Variants in COG6 observed in about 807,000 individuals in gnomAD.
The protein encoded by COG6 is conserved oligomeric Golgi complex subunit 6.
Under a neutral mutation model 88.8 loss-of-function variants are expected in COG6, and 74 were observed. The observed-to-expected ratio is 0.83, with a 90% CI of 0.69 to 1.01. COG6 has a LOEUF of 1.01. Among genes scored for constraint, COG6 ranks in the 50% least tolerant of loss-of-function variants. The pLI is 0.00. For missense variants in COG6, 800 were observed against 797.9 expected (o/e 1.00, Z -0.03); for synonymous variants, 286 against 278.7 (o/e 1.03, Z -0.26).
chr13:39,691,322 T>G (rs1444518858), intron 11 of COG6, among the ~76,000 whole-genome samples: 2 of 151,972 alleles, frequency 1.3e-5, no homozygotes, highest in Middle Eastern at 3.2e-3. Context: ...TAAAATGTAC[T>G]TAGAAATTCT....
rs111318440 is a variant in COG6 at position 39,700,177 on chromosome 13, A to G, written c.1284+559A>G. On this transcript the variant is annotated intron_variant, in intron 13 of 18. Coordinates refer to ENST00000455146, the MANE Select transcript of COG6 (RefSeq NM_020751.3). Reference sequence around the variant, plus strand: ...CAGGACCTTAAGGAATAGACTTACAATGATCAAATCCTTCTTTATTTTTGT... The same window carrying G: ...CAGGACCTTAAGGAATAGACTTACAGTGATCAAATCCTTCTTTATTTTTGT... Among the ~76,000 whole-genome samples the G allele has an allele frequency of 7.6e-3, 1,150 of 151,988 alleles. 7 individuals are homozygous for G. The highest frequency in any genetic ancestry group is 0.012 in the Non-Finnish European group (812 of 67,800).
chr13:39,688,955 T>C (rs763702331), intron 10 of COG6, among the ~76,000 whole-genome samples: 6 of 152,168 alleles, frequency 3.9e-5, no homozygotes, highest in Non-Finnish European at 8.8e-5. Flanking sequence ...GCAAGATGAG[T>C]CAGTGTTACA....
At chr13:39,660,711 A>G in intron 2 of COG6, 99 bp from the exon 3 acceptor site, 1 of 827,684 alleles carries the variant, frequency 1.2e-6, no homozygotes, top group Middle Eastern at 3.0e-4. Context: ...TGACCAAAAA[A>G]ATAAAAAATT....
At chr13:39,719,994 AACACACACACACAC>A (rs58617808) in intron 15 of COG6, among the ~76,000 whole-genome samples, 167 bp downstream of exon 15, 4 of 147,764 alleles carry the variant, frequency 2.7e-5, no homozygotes, top group African/African-American at 7.5e-5. Context: ...GCACATACAC[AACACACACACACAC>A]ACACACACAC....
chr13:39,680,106 T>G, intron 7 of COG6, 61 bp downstream of exon 7: 1 of 945,118 alleles, frequency 1.1e-6, no homozygotes. Context: ...TTTTAAAATT[T>G]TACTTGGTCT....
chr13:39,689,875 A>G (rs773854434), intron 11 of COG6, 51 bp downstream of exon 11: 1 of 1,155,002 alleles, frequency 8.7e-7, no homozygotes, highest in Admixed American at 1.8e-5. Flanking sequence ...TTAAATTATT[A>G]CCTTATTTAT....
intron 18 of COG6, among the ~76,000 whole-genome samples, chr13:39,758,509 A>G (rs898556364): frequency 6.6e-6 from 1 of 152,228 alleles, no homozygotes; most frequent in Admixed American, 6.5e-5. Context: ...ATCATTAGTC[A>G]TTAGGGAAAT....
chr13:39,695,079 A>G (rs1475565445), intron 12 of COG6, among the ~76,000 whole-genome samples: 1 of 151,644 alleles, frequency 6.6e-6, no homozygotes, highest in Non-Finnish European at 1.5e-5. Context: ...TAAAGCAACT[A>G]TACCTTATAC....
intron 1 of COG6, among the ~76,000 whole-genome samples, chr13:39,656,644 A>G (rs1343858691): frequency 6.6e-6 from 1 of 152,112 alleles, no homozygotes; most frequent in Non-Finnish European, 1.5e-5. Context: ...TTATAGGTGA[A>G]TATGTAGGTA....
chr13:39,735,479 T>C (rs1413581976), intron 18 of COG6, among the ~76,000 whole-genome samples: 1 of 152,130 alleles, frequency 6.6e-6, no homozygotes, highest in Non-Finnish European at 1.5e-5. Context: ...AATGTTACTG[T>C]AGTTATTTTT....
intron 2 of COG6, 142 bp from the exon 3 acceptor site, chr13:39,660,668 C>T: frequency 1.6e-6 from 1 of 638,554 alleles, no homozygotes; most frequent in Non-Finnish European, 2.8e-6. Flanking sequence ...TTAATCATTT[C>T]CAATTTTAAA....
intron 13 of COG6, among the ~76,000 whole-genome samples, chr13:39,715,310 A>G (rs1409671661): frequency 2.0e-5 from 3 of 151,970 alleles, no homozygotes; most frequent in East Asian, 1.9e-4. Flanking sequence ...CACATACTAT[A>G]TATTATAGTT....
In COG6 at chr13:39,713,445, T is replaced by C. The variant is rs376853220; in HGVS notation, c.1285-5791T>C. The stretch of plus-strand genomic sequence containing the variant: ...TGCATTGGAGGGACTTCAAAAGAAA[T>C]ATAGACTTGGCCAGGTGCGGTGGCT... On this transcript the variant is annotated intron_variant, in intron 13 of 18. Transcript: ENST00000455146. Among the ~76,000 whole-genome samples, 34 of 152,042 alleles carry C rather than the reference T, an allele frequency of 2.2e-4. No homozygotes were observed. In the East Asian group the frequency reaches 2.3e-3, roughly 10 times the overall value.
chr13:39,655,873 C>T lies in COG6; in HGVS notation c.147C>T (p.Asn49=), dbSNP rs1171363647. Residue 49 remains asparagine, a synonymous_variant, in exon 1 of 19, where the codon AAC becomes AAT. Coordinates refer to ENST00000455146, the MANE Select transcript of COG6 (RefSeq NM_020751.3). ...AGATCCTGGAGACGCGGCTGGACAA[C>T]GACAAGGTAACCGGGGCTGGCGGGG... ...LHKILETRLD[N]DKEMLEALKA... The T allele has an allele frequency of 1.9e-6, 3 of 1,607,042 alleles. No homozygotes were observed. In the South Asian group the frequency reaches 3.3e-5, roughly 18 times the overall value.
rs1208036882 is a variant in COG6, at chr13:39,752,415, G to A, written c.*1322G>A. The A allele has an allele frequency of 9.8e-7, 1 of 1,021,164 alleles. No individual in the cohort carries two copies. The highest frequency in any genetic ancestry group is 1.7e-5 in the African/African-American group (1 of 59,082). The allele number at this position is 1,021,164 out of a possible 1,614,324, so 63.3% of individuals were successfully genotyped here. ...TGATTATATAATCGTTATCCATTTG[G>A]GTATAAATCTGTATTTTTAGTTTTT... On this transcript the variant is annotated 3_prime_UTR_variant, in exon 19 of 19. Transcript: ENST00000455146.
rs534003547 is a variant in COG6 at position 39,737,099 on chromosome 13, G to A, written c.1826+9551G>A. Among the ~76,000 whole-genome samples, 6 of 152,228 alleles carry A rather than the reference G, an allele frequency of 3.9e-5. No individual in the cohort carries two copies. The South Asian group carries it at 1.0e-3, about 26-fold the overall frequency. ...GTACTACATTGGTGGTGTTGGGTGA[G>A]ATCCAGGAGAACTTCCTGGATTACC... On this transcript the variant is annotated intron_variant, in intron 18 of 18. Transcript: ENST00000455146.
intron 13 of COG6, among the ~76,000 whole-genome samples, chr13:39,711,004 A>G (rs1362266661): frequency 3.3e-5 from 5 of 152,066 alleles, no homozygotes; most frequent in East Asian, 1.9e-4. Flanking sequence ...GTGGGCTTCT[A>G]TTAATCTATA....
chr13:39,743,324 T>A (rs1880153228), intron 18 of COG6, among the ~76,000 whole-genome samples: 1 of 152,140 alleles, frequency 6.6e-6, no homozygotes, highest in African/African-American at 2.4e-5. Flanking sequence ...AGCTGGTTTT[T>A]TGAAAGGATC....
At chr13:39,667,530 T>A (rs181460429) in intron 4 of COG6, among the ~76,000 whole-genome samples, 1 of 152,188 alleles carries the variant, frequency 6.6e-6, no homozygotes, top group Non-Finnish European at 1.5e-5. Context: ...ATCCCCCACA[T>A]TGGTGGTTAA....
Sources: allele counts gnomAD v4.1 joint callset (sites outside exome capture counted in the v4.1 genomes callset), GRCh38; gene constraint gnomAD v4.1.1; transcripts MANE v1.5; gene names NCBI Gene and HGNC (gene_info 2026-07-23, HGNC 2026-07-21).